IFNAR2: variants seen among roughly 807,000 people sequenced by gnomAD.
The protein encoded by IFNAR2 is interferon alpha and beta receptor subunit 2, also known as interferon alpha/beta receptor 2.
IFNAR2 carries 30 observed loss-of-function variants against 49.4 expected under a neutral mutation model. That is an observed-to-expected ratio of 0.61 (90% CI 0.45 to 0.82). IFNAR2 has a LOEUF of 0.82. Among genes scored for constraint, IFNAR2 ranks in the 40% least tolerant of loss-of-function variants. IFNAR2 has a pLI of 0.00. For missense variants in IFNAR2, 600 were observed against 622.7 expected (o/e 0.96, Z 0.39); for synonymous variants, 224 against 234.5 (o/e 0.96, Z 0.41).
intron 6 of IFNAR2, among the ~76,000 whole-genome samples, chr21:33,249,897 C>T (rs1461228926): frequency 1.3e-5 from 2 of 152,066 alleles, no homozygotes; most frequent in African/African-American, 4.8e-5. Context: ...CTGGAGTGAC[C>T]AGGCAGGAGA....
rs988534467 is a variant in IFNAR2, at chr21:33,264,183, A to T, written c.*683A>T. On this transcript the variant is annotated 3_prime_UTR_variant, in exon 9 of 9. Transcript: ENST00000342136. Reference sequence around the variant, plus strand: ...TGGCCCTGTGATATTTCTGTGAAATAAATTGGGCCAGGGTGGGAGCAGGGA... The same window carrying T: ...TGGCCCTGTGATATTTCTGTGAAATTAATTGGGCCAGGGTGGGAGCAGGGA... 2 of 152,206 alleles carry T rather than the reference A, an allele frequency of 1.3e-5. No homozygotes were observed. Among genetic ancestry groups the T allele is most frequent in the African/African-American group, 4.8e-5 (2 of 41,422 alleles). 9.4% of individuals were successfully genotyped at this position (152,206 alleles called of 1,614,324 possible). A position where few individuals can be genotyped will look rare whatever the true frequency, so the allele number is the denominator to read the frequency against.
At position 33,262,994 on chromosome 21, in the gene IFNAR2, G is replaced by C. The variant is rs1568897627; in HGVS notation, c.1042G>C (p.Gly348Arg). ...GCATGGACTGACTGTCAGGCCTCTG[G>C]GTCAGGCCTCTGCCACCTCTACAGA... Reference protein sequence around the residue: ...TMHGLTVRPLGQASATSTESQ... With the variant: ...TMHGLTVRPLRQASATSTESQ... The change falls in exon 9 of 9, where the codon GGT (glycine) becomes CGT (arginine). Residue 348 changes from glycine to arginine, a missense_variant. Coordinates refer to ENST00000342136, the MANE Select transcript of IFNAR2 (RefSeq NM_001289125.3). 1 of 1,614,064 alleles carries C rather than the reference G, an allele frequency of 6.2e-7. No homozygotes were observed. Among genetic ancestry groups the C allele is most frequent in the Non-Finnish European group, 8.5e-7 (1 of 1,179,994 alleles).
chr21:33,240,066 C>G (rs1986803892), intron 1 of IFNAR2, among the ~76,000 whole-genome samples: 1 of 151,876 alleles, frequency 6.6e-6, no homozygotes, highest in South Asian at 2.1e-4. Context: ...CCTTCTGGGC[C>G]CCAGAGTGGT....
intron 6 of IFNAR2, among the ~76,000 whole-genome samples, chr21:33,250,036 A>G (rs1269410854): frequency 6.6e-6 from 1 of 152,166 alleles, no homozygotes; most frequent in Non-Finnish European, 1.5e-5. Context: ...TGGGCTGTTA[A>G]AAATAGACCA....
chr21:33,256,831 A>G (rs1487386862), intron 7 of IFNAR2, among the ~76,000 whole-genome samples: 1 of 152,256 alleles, frequency 6.6e-6, no homozygotes, highest in Non-Finnish European at 1.5e-5. Context: ...CAAGATCAAC[A>G]TGTAAAATAG....
chr21:33,248,803 GTTTGA>G lies in IFNAR2; in HGVS notation c.493_497del (p.Asp165IlefsTer5). 6.2e-7 allele frequency: 1 copy of G among 1,610,840 alleles called. No individual in the cohort carries two copies. Among genetic ancestry groups the G allele is most frequent in the Non-Finnish European group, 8.5e-7 (1 of 1,178,664 alleles). On this transcript the variant is annotated frameshift_variant, in exon 6 of 9. Transcript: ENST00000342136. LOFTEE classifies it high-confidence loss of function. ...CATCTATTGTTGAGGAAGAATTACA[GTTTGA>G]TTTATCTCTCGTCATTGAAGAACAG...
At chr21:33,251,008 T>C (rs534334016) in intron 6 of IFNAR2, among the ~76,000 whole-genome samples, 42 of 152,194 alleles carry the variant, frequency 2.8e-4, no homozygotes, top group Non-Finnish European at 5.3e-4. Context: ...GAGCTGGATG[T>C]GCCAGTCTGT....
chr21:33,236,865 G>A, intron 1 of IFNAR2: 1 of 985,354 alleles, frequency 1.0e-6, no homozygotes, highest in South Asian at 4.7e-5. Context: ...GACTAGCCCT[G>A]TTGACAGGAG....
chr21:33,245,183 C>A, intron 4 of IFNAR2, 109 bp downstream of exon 4: 1 of 804,650 alleles, frequency 1.2e-6, no homozygotes, highest in Non-Finnish European at 2.0e-6. Context: ...TTCCTATCTA[C>A]CTCTCCTTCT....
intron 1 of IFNAR2, among the ~76,000 whole-genome samples, chr21:33,237,080 T>G (rs1019339207): frequency 4.4e-5 from 4 of 90,810 alleles, no homozygotes; most frequent in African/African-American, 1.2e-4. Flanking sequence ...GAGAATGGGG[T>G]GTGTGTGTGT....
rs773037276 is a variant in IFNAR2, at chr21:33,252,703, C to G, written c.582C>G (p.Thr194=). ...AAGGAAACATGAGTGGAAATTTCACCTATATCATTGACAAGTTAATTCCAA... is the reference window on the plus strand; with the variant it reads ...AAGGAAACATGAGTGGAAATTTCACGTATATCATTGACAAGTTAATTCCAA... The part of the protein sequence containing the change: ...EIKGNMSGNF[T]YIIDKLIPNT... The change falls in exon 7 of 9, where the codon ACC becomes ACG. Residue 194 remains threonine (T), a synonymous_variant. Transcript: ENST00000342136. The G allele has an allele frequency of 5.0e-6, 8 of 1,613,706 alleles. No individual in the cohort carries two copies. The East Asian group carries it at 1.6e-4, about 31-fold the overall frequency.
intron 1 of IFNAR2, among the ~76,000 whole-genome samples, chr21:33,238,144 C>T (rs551888486): frequency 8.5e-4 from 129 of 152,308 alleles, no homozygotes; most frequent in Non-Finnish European, 1.3e-3. Context: ...TCCCTGCTAC[C>T]TTGGCGTTGT....
chr21:33,252,982 G>A (rs1275675214), intron 7 of IFNAR2, 152 bp downstream of exon 7: 7 of 712,652 alleles, frequency 9.8e-6, no homozygotes, highest in Middle Eastern at 2.8e-4. Context: ...CTGTTGGTTC[G>A]TGTGTATGAT....
chr21:33,253,264 T>C (rs1037083516), intron 7 of IFNAR2, among the ~76,000 whole-genome samples: 1 of 152,156 alleles, frequency 6.6e-6, no homozygotes, highest in Non-Finnish European at 1.5e-5. Context: ...CTCTCGCTCA[T>C]AGATGAAAGG....
At position 33,263,363 on chromosome 21, in the gene IFNAR2, C is replaced by A. The variant is rs373771077; in HGVS notation, c.1411C>A (p.Leu471Met). The A allele has an allele frequency of 9.2e-5, 148 of 1,614,056 alleles. No homozygotes were observed. The highest frequency in any genetic ancestry group is 1.2e-4 in the Non-Finnish European group (143 of 1,180,038). ...TGATAATGTGCAATCAAACCATTTG[C>A]TGGCCAGCGGGGAAGGGACACAGCC... is the stretch of plus-strand genomic sequence containing the variant. Reference protein sequence around the residue: ...DPDNVQSNHLLASGEGTQPTF... With the variant: ...DPDNVQSNHLMASGEGTQPTF... Residue 471 changes from leucine (L) to methionine (M), a missense_variant, in exon 9 of 9, where the codon CTG (leucine) becomes ATG (methionine). Physicochemically the swap from Leu to Met is conservative, Grantham distance 15. Transcript: ENST00000342136.
intron 7 of IFNAR2, 96 bp from the exon 8 acceptor site, chr21:33,260,501 G>A: frequency 8.5e-7 from 1 of 1,169,984 alleles, no homozygotes; most frequent in Non-Finnish European, 1.2e-6. Flanking sequence ...TTGGTTTCTT[G>A]ATCATCTTGT....
At position 33,264,513 on chromosome 21, in the gene IFNAR2, T is replaced by TA. The variant is rs112806971; in HGVS notation, c.*1026dup. The TA allele has an allele frequency of 0.014, 1,980 of 139,444 alleles. 29 individuals carry two copies. The highest frequency in any genetic ancestry group is 0.045 in the African/African-American group (1,717 of 38,070). 8.6% of individuals were successfully genotyped at this position (139,444 alleles called of 1,614,324 possible). A position where few individuals can be genotyped will look rare whatever the true frequency, so the allele number is the denominator to read the frequency against. ...AAAACCTGAATGCCATATTTTAAGT[T>TA]AAAAAAAAAAAAAGCAAACACAAAG... On this transcript the variant is annotated 3_prime_UTR_variant, in exon 9 of 9. Coordinates refer to ENST00000342136, the MANE Select transcript of IFNAR2 (RefSeq NM_001289125.3).
chr21:33,244,912 G>A (rs1195638699), intron 3 of IFNAR2, 39 bp from the exon 4 acceptor site: 1 of 1,608,296 alleles, frequency 6.2e-7, no homozygotes, highest in South Asian at 1.1e-5. Context: ...TACAACTGTG[G>A]GTTCCAAATT....
chr21:33,250,298 T>C (rs1006694329), intron 6 of IFNAR2, among the ~76,000 whole-genome samples: 1 of 152,194 alleles, frequency 6.6e-6, no homozygotes, highest in Non-Finnish European at 1.5e-5. Flanking sequence ...CAACTAACTC[T>C]ATGTTTTAGA....
Sources: allele counts gnomAD v4.1 joint callset (sites outside exome capture counted in the v4.1 genomes callset), GRCh38; gene constraint gnomAD v4.1.1; transcripts MANE v1.5; gene names NCBI Gene and HGNC (gene_info 2026-07-23, HGNC 2026-07-21).